NDST4: variants seen among roughly 807,000 people sequenced by gnomAD.
NDST4 encodes the protein N-deacetylase and N-sulfotransferase 4.
A neutral mutation model predicts 100.8 loss-of-function variants in NDST4; 63 were observed. The observed-to-expected ratio is 0.62, with a 90% confidence interval of 0.51 to 0.77. The LOEUF (loss-of-function observed/expected upper bound fraction) is 0.77. Ranked by LOEUF, NDST4 falls within the 30% of genes least tolerant of loss-of-function variation. The pLI is 0.00. For missense variants in NDST4, 943 were observed against 1,018.4 expected (o/e 0.93, Z 1.01); for synonymous variants, 377 against 361.8 (o/e 1.04, Z -0.48).
chr4:115,080,579 T>C (rs1388257413), intron 1 of NDST4, among the ~76,000 whole-genome samples: 2 of 152,134 alleles, frequency 1.3e-5, no homozygotes, highest in Non-Finnish European at 2.9e-5. Flanking sequence ...CTGAAATATA[T>C]AAAGCAATTA....
At chr4:114,916,802 A>G (rs1725183974) in intron 6 of NDST4, among the ~76,000 whole-genome samples, 1 of 151,846 alleles carries the variant, frequency 6.6e-6, no homozygotes, top group South Asian at 2.1e-4. Flanking sequence ...TTCCAAGTGC[A>G]TGCCACAGTG....
At chr4:114,873,770 GGT>G (rs1405055232) in intron 6 of NDST4, among the ~76,000 whole-genome samples, 7 of 151,970 alleles carry the variant, frequency 4.6e-5, no homozygotes, top group African/African-American at 1.7e-4. Context: ...GAAATAAGAC[GGT>G]GTAAGTAGCA....
At chr4:114,893,297 C>A (rs796882087) in intron 6 of NDST4, among the ~76,000 whole-genome samples, 5 of 152,208 alleles carry the variant, frequency 3.3e-5, no homozygotes, top group African/African-American at 1.2e-4. Flanking sequence ...ATTTCTGGTT[C>A]TAGATCCTTG....
intron 2 of NDST4, among the ~76,000 whole-genome samples, chr4:115,046,463 A>G (rs1017378832): frequency 6.6e-6 from 1 of 152,160 alleles, no homozygotes; most frequent in African/African-American, 2.4e-5. Context: ...ATTTCAGTTG[A>G]GTCCTACTGT....
At chr4:114,970,985 A>G (rs899122538) in intron 3 of NDST4, among the ~76,000 whole-genome samples, 2 of 152,144 alleles carry the variant, frequency 1.3e-5, no homozygotes, top group Non-Finnish European at 2.9e-5. Context: ...CATAAATAAT[A>G]TATGTTTATT....
intron 10 of NDST4, 83 bp from the exon 11 acceptor site, chr4:114,839,631 ATG>A: frequency 8.0e-7 from 1 of 1,246,002 alleles, no homozygotes; most frequent in Admixed American, 1.9e-5. Flanking sequence ...GAGCACATGC[ATG>A]TGTGTGTTTG....
intron 4 of NDST4, among the ~76,000 whole-genome samples, chr4:114,967,388 A>C (rs961889318): frequency 2.0e-5 from 3 of 152,166 alleles, no homozygotes; most frequent in Non-Finnish European, 4.4e-5. Flanking sequence ...TGACTAAACA[A>C]ATGTAATTAC....
At chr4:115,058,816 T>C (rs1203271893) in intron 2 of NDST4, among the ~76,000 whole-genome samples, 1 of 152,066 alleles carries the variant, frequency 6.6e-6, no homozygotes, top group East Asian at 1.9e-4. Context: ...CTCCAAACTT[T>C]TATTATTTTT....
chr4:114,871,349 G>A (rs945121562), intron 6 of NDST4, among the ~76,000 whole-genome samples: 1 of 151,082 alleles, frequency 6.6e-6, no homozygotes, highest in African/African-American at 2.4e-5. Context: ...AATAGAATCA[G>A]ATTCAAGAAA....
At position 114,845,976 on chromosome 4, in the gene NDST4, T is replaced by C. The variant is rs1427598924; in HGVS notation, c.1962A>G (p.Thr654=). ...GIDWYMDFFP[T]PSNTTSDFLF... ...GAAAGTCACTTGTAGTATTGGATGGTGTAGGGAAAAAGTCCATATACCTGA... is the reference window on the plus strand; with the variant it reads ...GAAAGTCACTTGTAGTATTGGATGGCGTAGGGAAAAAGTCCATATACCTGA... Residue 654 remains threonine (T), a synonymous_variant, in exon 10 of 14, where the codon ACA becomes ACG. Transcript: ENST00000264363. 1.2e-6 allele frequency: 2 copies of C among 1,609,154 alleles called. No homozygotes were observed. The highest frequency in any genetic ancestry group is 2.2e-5 in the South Asian group (2 of 90,764).
chr4:114,938,923 T>G lies in NDST4; in HGVS notation c.1222-1420A>C, dbSNP rs72681426. Among the ~76,000 whole-genome samples the G allele has an allele frequency of 4.4e-3, 664 of 152,296 alleles. 6 individuals carry two copies. Among genetic ancestry groups the G allele is most frequent in the Middle Eastern group, 0.01 (3 of 294 alleles). Reference sequence around the variant, plus strand: ...TGCTGTAAAATGAGCTAGAGTCTTTTGCTAGACACTGGGGAGAATTTCATT... The same window carrying G: ...TGCTGTAAAATGAGCTAGAGTCTTTGGCTAGACACTGGGGAGAATTTCATT... On this transcript the variant is annotated intron_variant, in intron 4 of 13. Transcript: ENST00000264363.
In NDST4 at chr4:114,839,534, A is replaced by G. The variant is rs752945244; in HGVS notation, c.2130T>C (p.His710=). The G allele has an allele frequency of 6.2e-7, 1 of 1,613,392 alleles. No individual in the cohort carries two copies. Among genetic ancestry groups the G allele is most frequent in the Non-Finnish European group, 8.5e-7 (1 of 1,179,666 alleles). ...AYSWYQHQRS[H]EDPAALRFNF... Reference sequence around the variant, plus strand: ...TGAACCTCAGAGCAGCTGGATCTTCATGTGATCGTTGGTGCTTTAACAAGA... The same window carrying G: ...TGAACCTCAGAGCAGCTGGATCTTCGTGTGATCGTTGGTGCTTTAACAAGA... Residue 710 remains histidine, a synonymous_variant, in exon 11 of 14, where the codon CAT becomes CAC. Transcript: ENST00000264363.
intron 7 of NDST4, among the ~76,000 whole-genome samples, chr4:114,868,953 TA>T (rs1724090128): frequency 7.9e-6 from 1 of 126,234 alleles, no homozygotes; most frequent in African/African-American, 4.6e-5. Flanking sequence ...ATTATATATA[TA>T]TATATATATA....
At chr4:114,840,953 G>T (rs1161563341) in intron 10 of NDST4, among the ~76,000 whole-genome samples, 2 of 152,112 alleles carry the variant, frequency 1.3e-5, no homozygotes, top group Non-Finnish European at 2.9e-5. Flanking sequence ...TTTTACATGT[G>T]TATACCTTAT....
chr4:114,911,104 C>G (rs1466427276), intron 6 of NDST4, among the ~76,000 whole-genome samples: 2 of 152,000 alleles, frequency 1.3e-5, no homozygotes, highest in Non-Finnish European at 2.9e-5. Context: ...TGGCTCACAT[C>G]TCACTTATGT....
chr4:114,912,840 T>C (rs1405589515), intron 6 of NDST4, among the ~76,000 whole-genome samples: 1 of 152,150 alleles, frequency 6.6e-6, no homozygotes, highest in Non-Finnish European at 1.5e-5. Context: ...TTGTTTTTAC[T>C]TTTTATATAT....
chr4:115,023,103 G>A (rs1490520917), intron 2 of NDST4, among the ~76,000 whole-genome samples: 2 of 152,104 alleles, frequency 1.3e-5, no homozygotes, highest in Non-Finnish European at 2.9e-5. Flanking sequence ...GGTGGGAAGG[G>A]GGTGAGGGCT....
In NDST4 at chr4:115,016,380, A is replaced by G. The variant is rs546748438; in HGVS notation, c.979-39106T>C. Among the ~76,000 whole-genome samples, 7 of 152,238 alleles carry G rather than the reference A, an allele frequency of 4.6e-5. No homozygotes were observed. In the South Asian group the frequency reaches 1.0e-3, roughly 23 times the overall value. On this transcript the variant is annotated intron_variant, in intron 2 of 13. Transcript: ENST00000264363. ...CATGGGTCCAGAAATCCAGAAGAGG[A>G]AGTAGGAATGACATCACTCAGTATT...
rs193007561 is a variant in NDST4 at position 114,831,787 on chromosome 4, C to T, written c.2396+1819G>A. ...GTCCTGGTTTCATTTATTGCATTGG[C>T]AACTTCATATGCCTTAAGTCTAACA... On this transcript the variant is annotated intron_variant, in intron 12 of 13. Transcript: ENST00000264363. Among the ~76,000 whole-genome samples, 889 of 152,268 alleles carry T rather than the reference C, an allele frequency of 5.8e-3. 6 individuals carry two copies. The highest frequency in any genetic ancestry group is 9.0e-3 in the Non-Finnish European group (612 of 68,016).
Sources: gnomAD v4.1 joint callset for allele counts (sites outside exome capture counted in the v4.1 genomes callset) on GRCh38, gnomAD v4.1.1 for gene constraint, MANE v1.5 for transcripts, NCBI Gene and HGNC (gene_info 2026-07-23, HGNC 2026-07-21) for gene names.